PROS1: variants seen among roughly 807,000 people sequenced by gnomAD.
PROS1 encodes protein S.
A neutral mutation model predicts 75.9 loss-of-function variants in PROS1; 29 were observed. That is an observed-to-expected ratio of 0.38 (90% CI 0.28 to 0.52). PROS1 has a LOEUF of 0.52. Ranked by LOEUF, PROS1 falls within the 20% of genes least tolerant of loss-of-function variation. The probability of loss-of-function intolerance (pLI) is 0.83; values close to 1 mark genes in which losing one functional copy is unlikely to be tolerated. For synonymous variants in PROS1, 245 were observed against 280.6 expected, an observed-to-expected ratio of 0.87 and a Z score of 1.27; for missense variants, 680 against 810.3, an observed-to-expected ratio of 0.84 and a Z score of 1.95.
chr3:93,916,799 C>G (rs1281977039), intron 3 of PROS1, among the ~76,000 whole-genome samples: 2 of 152,148 alleles, frequency 1.3e-5, no homozygotes, highest in Non-Finnish European at 2.9e-5. Context: ...AAAGATCTTG[C>G]TACATGTACC....
At chr3:93,886,929 T>TTTTTTTA (rs1379680180) in intron 10 of PROS1, among the ~76,000 whole-genome samples, 1 of 150,254 alleles carries the variant, frequency 6.7e-6, no homozygotes, top group African/African-American at 2.4e-5. Flanking sequence ...TTTTTTTTTT[T>TTTTTTTA]GAGACGGAGT....
At chr3:93,932,233 C>A (rs1223272861) in intron 1 of PROS1, among the ~76,000 whole-genome samples, 7 of 152,168 alleles carry the variant, frequency 4.6e-5, no homozygotes, top group Non-Finnish European at 7.3e-5. Context: ...TGAATCATAA[C>A]TGTTCTAAGT....
intron 1 of PROS1, among the ~76,000 whole-genome samples, chr3:93,956,871 C>T (rs764601572): frequency 1.3e-5 from 2 of 151,956 alleles, no homozygotes; most frequent in African/African-American, 4.8e-5. Context: ...AACAAGACAC[C>T]CTTTAAATCT....
At chr3:93,898,992 G>A (rs1182713917) in intron 7 of PROS1, among the ~76,000 whole-genome samples, 1 of 151,954 alleles carries the variant, frequency 6.6e-6, no homozygotes, top group African/African-American at 2.4e-5. Flanking sequence ...AGAGCATGAT[G>A]GGGAAGTAAA....
chr3:93,939,006 T>C (rs146011610), intron 1 of PROS1, among the ~76,000 whole-genome samples: 1,949 of 152,210 alleles, frequency 0.013, 46 homozygotes, highest in African/African-American at 0.044. Context: ...TCCTTCACTA[T>C]GGGCAACCTT....
rs188921497 is a variant in PROS1 at position 93,886,616 on chromosome 3, C to A, written c.1156-113G>T. 6 of 798,932 alleles carry A rather than the reference C, an allele frequency of 7.5e-6. No homozygotes were observed. The East Asian group carries it at 1.3e-4, about 17-fold the overall frequency. 49.5% of individuals were successfully genotyped at this position (798,932 alleles called of 1,614,324 possible). A position where few individuals can be genotyped will look rare whatever the true frequency, so the allele number is the denominator to read the frequency against. ...CAATAAAATACTTCTGTAAAGTAAT[C>A]ATTTTAATGTAATTATTAATTTGTT... On this transcript the variant is annotated intron_variant, in intron 10 of 14. Transcript: ENST00000394236.
At chr3:93,958,382 T>C (rs940125406) in intron 1 of PROS1, 1 of 152,220 alleles carries the variant, frequency 6.6e-6, no homozygotes, top group African/African-American at 2.4e-5. Flanking sequence ...CCTGCCCTTT[T>C]TGATTCACTG....
chr3:93,911,829 G>A (rs141356279), intron 3 of PROS1, among the ~76,000 whole-genome samples: 148 of 152,266 alleles, frequency 9.7e-4, no homozygotes, highest in Admixed American at 4.3e-3. Flanking sequence ...GATCAAAGGG[G>A]TCCCAGGGTC....
chr3:93,896,163 T>C (rs1708498724), intron 9 of PROS1, among the ~76,000 whole-genome samples: 1 of 152,130 alleles, frequency 6.6e-6, no homozygotes, highest in Non-Finnish European at 1.5e-5. Flanking sequence ...CAAGTTTAAA[T>C]TTTTTCCTTA....
intron 3 of PROS1, among the ~76,000 whole-genome samples, chr3:93,912,724 C>G (rs1375703040): frequency 2.6e-5 from 4 of 152,154 alleles, no homozygotes; most frequent in Non-Finnish European, 5.9e-5. Flanking sequence ...CACCATCCCA[C>G]AGCAGATGGC....
At chr3:93,951,490 AAACGAAG>A (rs1328960833) in intron 1 of PROS1, among the ~76,000 whole-genome samples, 2 of 152,198 alleles carry the variant, frequency 1.3e-5, no homozygotes, top group Non-Finnish European at 2.9e-5. Context: ...ATATCCAGCC[AAACGAAG>A]CTTCATAAGT....
chr3:93,932,406 TAAGAAGTATCTC>T (rs1383556683), intron 1 of PROS1, among the ~76,000 whole-genome samples: 1 of 152,204 alleles, frequency 6.6e-6, no homozygotes, highest in Non-Finnish European at 1.5e-5. Context: ...TTCTTTATAT[TAAGAAGTATCTC>T]AAGAAAGTCC....
At chr3:93,894,685 G>A (rs914159387) in intron 9 of PROS1, among the ~76,000 whole-genome samples, 2 of 152,104 alleles carry the variant, frequency 1.3e-5, no homozygotes, top group Admixed American at 6.5e-5. Flanking sequence ...GAATGAATTT[G>A]TTGACATTTA....
chr3:93,947,733 AT>A (rs1253928890), intron 1 of PROS1, among the ~76,000 whole-genome samples: 1 of 151,674 alleles, frequency 6.6e-6, no homozygotes, highest in African/African-American at 2.4e-5. Context: ...CACCCGGCTA[AT>A]TTTTTTGTAT....
intron 2 of PROS1, 83 bp downstream of exon 2, chr3:93,927,167 C>G: frequency 1.9e-6 from 3 of 1,541,302 alleles, no homozygotes; most frequent in South Asian, 1.1e-5. Flanking sequence ...TAAGATGGAA[C>G]AGAAGGAAGT....
intron 6 of PROS1, among the ~76,000 whole-genome samples, chr3:93,904,971 A>C (rs1310877101): frequency 6.6e-6 from 1 of 152,192 alleles, no homozygotes; most frequent in Non-Finnish European, 1.5e-5. Context: ...TATAAAGAGA[A>C]AGAAAACTAG....
chr3:93,904,277 C>T (rs1708641873), intron 6 of PROS1, among the ~76,000 whole-genome samples: 2 of 152,058 alleles, frequency 1.3e-5, no homozygotes, highest in African/African-American at 2.4e-5. Context: ...AATAAACATA[C>T]GTGTGCATGT....
At chr3:93,906,175 T>TA (rs918324621) in intron 4 of PROS1, 32 bp from the exon 5 acceptor site, 4 of 1,609,574 alleles carry the variant, frequency 2.5e-6, no homozygotes, top group Admixed American at 1.7e-5. Flanking sequence ...TTATTTTTTT[T>TA]ATCTCATGTC....
At chr3:93,930,206 C>T (rs528558701) in intron 1 of PROS1, among the ~76,000 whole-genome samples, 4 of 152,212 alleles carry the variant, frequency 2.6e-5, no homozygotes, top group South Asian at 2.1e-4. Flanking sequence ...CAAGGCAGAA[C>T]GTATATAAAA....
Sources: allele counts gnomAD v4.1 joint callset (sites outside exome capture counted in the v4.1 genomes callset), GRCh38; gene constraint gnomAD v4.1.1; transcripts MANE v1.5; gene names NCBI Gene and HGNC (gene_info 2026-07-23, HGNC 2026-07-21).